The following DTWD2 variants were observed in gnomAD, a reference collection of about 807,000 sequenced individuals.
The protein encoded by DTWD2 is DTW motif tRNA-uridine aminocarboxypropyltransferase 2.
A neutral mutation model predicts 31.8 loss-of-function variants in DTWD2; 39 were observed. That is an observed-to-expected ratio of 1.22 (90% CI 0.95 to 1.60). The LOEUF is 1.60. Among genes scored for constraint, DTWD2 ranks in the 40% most tolerant of loss-of-function variants. DTWD2 has a pLI of 0.00. For missense variants in DTWD2, 515 were observed against 381.5 expected, an observed-to-expected ratio of 1.35 and a Z score of -2.92; for synonymous variants, 180 against 142.8, an observed-to-expected ratio of 1.26 and a Z score of -1.86.
chr5:118,859,398 T>A (rs1239998240), intron 4 of DTWD2, among the ~76,000 whole-genome samples: 1 of 152,218 alleles, frequency 6.6e-6, no homozygotes, highest in Non-Finnish European at 1.5e-5. Context: ...TAAAGTATCA[T>A]AAAGTATTAT....
intron 3 of DTWD2, among the ~76,000 whole-genome samples, chr5:118,932,091 T>G (rs1218358296): frequency 6.6e-6 from 1 of 152,024 alleles, no homozygotes; most frequent in African/African-American, 2.4e-5. Context: ...CTTAGAGAGA[T>G]ATTCATAGCA....
chr5:118,947,298 G>T (rs563019084), intron 1 of DTWD2, among the ~76,000 whole-genome samples: 1 of 152,142 alleles, frequency 6.6e-6, no homozygotes, highest in Non-Finnish European at 1.5e-5. Context: ...CTTGTTCGGC[G>T]TCCAGTAAAA....
rs1314569427 is a variant in DTWD2, at chr5:118,894,595, T to A, written c.597+33942A>T. On this transcript the variant is annotated intron_variant, in intron 4 of 5. Transcript: ENST00000510708. ...TCAAAAAATGAAATCAAGGTATCCC[T>A]GATGAACACAAATGTAAAAAGTCTC... is the stretch of plus-strand genomic sequence containing the variant. Among the ~76,000 whole-genome samples the A allele has an allele frequency of 2.0e-5, 3 of 152,122 alleles. No individual in the cohort carries two copies. In the East Asian group the frequency reaches 5.8e-4, roughly 29 times the overall value.
intron 1 of DTWD2, among the ~76,000 whole-genome samples, chr5:118,960,814 A>C (rs890597550): frequency 6.6e-6 from 1 of 152,178 alleles, no homozygotes; most frequent in Non-Finnish European, 1.5e-5. Context: ...TAAGTGAACT[A>C]ACGCAAGAAC....
At chr5:118,883,320 A>G (rs1752784930) in intron 4 of DTWD2, among the ~76,000 whole-genome samples, 1 of 152,154 alleles carries the variant, frequency 6.6e-6, no homozygotes, top group Non-Finnish European at 1.5e-5. Context: ...ACCATTCAAC[A>G]AGTCTCTAGG....
chr5:118,864,090 T>C lies in DTWD2; in HGVS notation c.598-15872A>G, dbSNP rs903420132. Among the ~76,000 whole-genome samples, 5 of 68,512 alleles carry C rather than the reference T, an allele frequency of 7.3e-5. 1 individual carries two copies. Among genetic ancestry groups the C allele is most frequent in the African/African-American group, 3.4e-4 (2 of 5,884 alleles). 44.9% of individuals were successfully genotyped at this position (68,512 alleles called of 152,430 possible). ...TCTGCAAAACCCACATGTATGTTTATTGCGGCACTATTCACAATAGCAAAG... is the reference window on the plus strand; with the variant it reads ...TCTGCAAAACCCACATGTATGTTTACTGCGGCACTATTCACAATAGCAAAG... On this transcript the variant is annotated intron_variant, in intron 4 of 5. Transcript: ENST00000510708.
intron 4 of DTWD2, among the ~76,000 whole-genome samples, chr5:118,877,638 T>C (rs901644816): frequency 2.6e-5 from 4 of 152,080 alleles, no homozygotes; most frequent in African/African-American, 7.2e-5. Flanking sequence ...AACACAAAGA[T>C]GCCCTCTTTC....
At chr5:118,954,776 C>T (rs752315971) in intron 1 of DTWD2, among the ~76,000 whole-genome samples, 5 of 152,136 alleles carry the variant, frequency 3.3e-5, no homozygotes, top group Non-Finnish European at 7.4e-5. Flanking sequence ...CTGCTTCGGC[C>T]TCCCAAAGTG....
intron 1 of DTWD2, among the ~76,000 whole-genome samples, chr5:118,963,818 T>C (rs946368631): frequency 1.3e-5 from 2 of 152,182 alleles, no homozygotes; most frequent in Admixed American, 6.5e-5. Flanking sequence ...ATTACAATTA[T>C]TGGCTTACCT....
intron 4 of DTWD2, among the ~76,000 whole-genome samples, chr5:118,876,977 AAC>A (rs1470480602): frequency 4.6e-5 from 7 of 152,252 alleles, no homozygotes; most frequent in African/African-American, 1.7e-4. Flanking sequence ...AAAAATGCCT[AAC>A]ACAATACTGG....
At chr5:118,931,172 T>C (rs1753914372) in intron 3 of DTWD2, among the ~76,000 whole-genome samples, 1 of 151,956 alleles carries the variant, frequency 6.6e-6, no homozygotes, top group Non-Finnish European at 1.5e-5. Context: ...GCAGGAGCAC[T>C]GCTTAAGCCC....
At position 118,885,775 on chromosome 5, in the gene DTWD2, A is replaced by T. The variant is rs140805169; in HGVS notation, c.598-37557T>A. On this transcript the variant is annotated intron_variant, in intron 4 of 5. Coordinates refer to ENST00000510708, the MANE Select transcript of DTWD2 (RefSeq NM_173666.4). ...GAGTGAAACTCTGTATTTAAAAAAA[A>T]AAATAAAAATAATAAAAAATAAATA... is the stretch of plus-strand genomic sequence containing the variant. Among the ~76,000 whole-genome samples, 1,180 of 151,188 alleles carry T rather than the reference A, an allele frequency of 7.8e-3. 14 individuals are homozygous for T. Among genetic ancestry groups the T allele is most frequent in the African/African-American group, 0.027 (1,107 of 41,442 alleles).
chr5:118,955,391 C>G (rs1754562737), intron 1 of DTWD2, among the ~76,000 whole-genome samples: 1 of 152,206 alleles, frequency 6.6e-6, no homozygotes, highest in Middle Eastern at 3.2e-3. Flanking sequence ...AGCTGACCAA[C>G]TGTTAAACCA....
At chr5:118,920,782 T>C (rs181553310) in intron 4 of DTWD2, among the ~76,000 whole-genome samples, 2 of 152,326 alleles carry the variant, frequency 1.3e-5, no homozygotes, top group African/African-American at 4.8e-5. Context: ...CTATGTGTTA[T>C]TGTCAATTTT....
intron 4 of DTWD2, among the ~76,000 whole-genome samples, chr5:118,915,838 T>C (rs1402430206): frequency 6.6e-6 from 1 of 152,234 alleles, no homozygotes; most frequent in African/African-American, 2.4e-5. Flanking sequence ...CTGGTTACCC[T>C]TGTCCTTTAC....
At chr5:118,938,808 CAAAAAAAA>C (rs373505051) in intron 3 of DTWD2, among the ~76,000 whole-genome samples, 1 of 27,870 alleles carries the variant, frequency 3.6e-5, no homozygotes, top group Non-Finnish European at 8.2e-5. Flanking sequence ...AGAACCCTAC[CAAAAAAAA>C]AAAAAAAAAA....
At chr5:118,903,635 G>A (rs919730872) in intron 4 of DTWD2, among the ~76,000 whole-genome samples, 6 of 151,918 alleles carry the variant, frequency 3.9e-5, no homozygotes, top group African/African-American at 1.4e-4. Context: ...ATGTTAAGCA[G>A]ATTCTTACCA....
intron 4 of DTWD2, among the ~76,000 whole-genome samples, chr5:118,859,290 A>G (rs1752206931): frequency 6.6e-6 from 1 of 152,300 alleles, no homozygotes; most frequent in Non-Finnish European, 1.5e-5. Context: ...AAGAGAAAGA[A>G]TCACATATTC....
intron 5 of DTWD2, among the ~76,000 whole-genome samples, chr5:118,841,849 C>T (rs1019667448): frequency 1.3e-5 from 2 of 151,322 alleles, no homozygotes; most frequent in African/African-American, 2.4e-5. Flanking sequence ...GGCCTGAGAC[C>T]CCTGATGAAG....
Sources: gnomAD v4.1 joint callset for allele counts (sites outside exome capture counted in the v4.1 genomes callset) on GRCh38, gnomAD v4.1.1 for gene constraint, MANE v1.5 for transcripts, NCBI Gene and HGNC (gene_info 2026-07-23, HGNC 2026-07-21) for gene names.